Variants in ANOS1 observed in about 807,000 individuals in gnomAD.
ANOS1 encodes the protein anosmin-1.
In ANOS1, 6 loss-of-function variants were observed where a neutral mutation model predicts 59.0. The ratio of observed to expected loss-of-function variants is 0.10; its 90% confidence interval spans 0.06 to 0.20. ANOS1 has a LOEUF of 0.20. ANOS1 is among the 10% of genes least tolerant of loss of function. The probability of loss-of-function intolerance (pLI) is 1.00; values close to 1 mark genes in which losing one functional copy is unlikely to be tolerated. For missense variants in ANOS1, 433 were observed against 542.3 expected, an observed-to-expected ratio of 0.80 and a Z score of 2.00; for synonymous variants, 217 against 223.4, an observed-to-expected ratio of 0.97 and a Z score of 0.25.
chrX:8,710,636 T>C (rs1206470181), intron 1 of ANOS1, among the ~76,000 whole-genome samples: 5 of 111,890 alleles, frequency 4.5e-5, no homozygotes, highest in Admixed American at 1.9e-4. Flanking sequence ...CAGGGAACTT[T>C]CCAAGGAAAA....
chrX:8,533,730 A>G (rs1929537495), intron 13 of ANOS1, among the ~76,000 whole-genome samples: 1 of 111,964 alleles, frequency 8.9e-6, no homozygotes, highest in Admixed American at 9.5e-5. Context: ...AAGTAGGTGG[A>G]CTTGGGTCAT....
Position 8,603,894 on chromosome X carries a change from T to C in ANOS1, c.319-6638A>G, listed in dbSNP as rs141691219. On this transcript the variant is annotated intron_variant, in intron 3 of 13. Coordinates refer to ENST00000262648, the MANE Select transcript of ANOS1 (RefSeq NM_000216.4). ...ATATACAATTTCCTAAAGTGAGTGCTCCATCATTATCACCACTGTCATAAC... is the reference window on the plus strand; with the variant it reads ...ATATACAATTTCCTAAAGTGAGTGCCCCATCATTATCACCACTGTCATAAC... Among the ~76,000 whole-genome samples the C allele has an allele frequency of 8.3e-3, 923 of 111,525 alleles. 17 individuals are homozygous for C. Among genetic ancestry groups the C allele is most frequent in the African/African-American group, 0.028 (874 of 30,725 alleles).
At chrX:8,606,856 G>A (rs956444409) in intron 3 of ANOS1, among the ~76,000 whole-genome samples, 2 of 112,730 alleles carry the variant, frequency 1.8e-5, no homozygotes, top group Non-Finnish European at 3.7e-5. Context: ...GGTGGCTCAC[G>A]CCTGTAATCC....
intron 4 of ANOS1, among the ~76,000 whole-genome samples, chrX:8,591,421 A>G (rs1930616339): frequency 9.0e-6 from 1 of 111,338 alleles, no homozygotes; most frequent in African/African-American, 3.3e-5. Flanking sequence ...ATAATCTTCT[A>G]GAGTAAATAT....
intron 2 of ANOS1, among the ~76,000 whole-genome samples, chrX:8,676,817 C>A (rs1280783942): frequency 8.9e-6 from 1 of 111,943 alleles, no homozygotes; most frequent in Non-Finnish European, 1.9e-5. Context: ...ATGGAGTACT[C>A]CACAAACAGC....
intron 1 of ANOS1, among the ~76,000 whole-genome samples, chrX:8,730,269 G>C (rs1321712727): frequency 1.8e-5 from 2 of 112,491 alleles, no homozygotes; most frequent in African/African-American, 6.5e-5. Context: ...CGGAGGGCTG[G>C]AAACCAGGTG....
intron 2 of ANOS1, among the ~76,000 whole-genome samples, chrX:8,672,492 G>A (rs1049193426): frequency 1.1e-4 from 12 of 112,550 alleles, no homozygotes; most frequent in African/African-American, 2.6e-4. Flanking sequence ...TCAAGTGACC[G>A]GAGGTCAGTG....
At chrX:8,537,662 C>T (rs771594225) in intron 10 of ANOS1, among the ~76,000 whole-genome samples, 5 of 110,661 alleles carry the variant, frequency 4.5e-5, no homozygotes, top group Non-Finnish European at 9.4e-5. Context: ...ATAGTCCTAG[C>T]TACTCGAGAG....
intron 8 of ANOS1, among the ~76,000 whole-genome samples, chrX:8,561,836 C>T (rs982400259): frequency 8.9e-6 from 1 of 111,743 alleles, no homozygotes; most frequent in African/African-American, 3.3e-5. Flanking sequence ...GACAGATAAT[C>T]AGTTTAGATA....
chrX:8,561,337 T>C (rs1601954270), intron 8 of ANOS1, among the ~76,000 whole-genome samples: 2 of 111,094 alleles, frequency 1.8e-5, no homozygotes, highest in Middle Eastern at 9.3e-3. Flanking sequence ...TCTCGCTTTG[T>C]CACCCAGGCT....
intron 2 of ANOS1, among the ~76,000 whole-genome samples, chrX:8,659,594 CT>C (rs1482477734): frequency 7.3e-5 from 3 of 40,846 alleles, no homozygotes; most frequent in Non-Finnish European, 1.5e-4. Context: ...GCCTTCCTTC[CT>C]TCCTTCCTTC....
At chrX:8,542,501 T>A in intron 9 of ANOS1, among the ~76,000 whole-genome samples, 1 of 108,810 alleles carries the variant, frequency 9.2e-6, no homozygotes, top group Middle Eastern at 4.6e-3. Context: ...GTACTGGTTT[T>A]CTACAGCTGC....
chrX:8,576,563 CCAGAGAGT>C (rs112706384), intron 6 of ANOS1, among the ~76,000 whole-genome samples: 3,671 of 106,397 alleles, frequency 0.035, 169 homozygotes, highest in African/African-American at 0.12. Flanking sequence ...CTGATGAGAG[CCAGAGAGT>C]CAGAGAGGGA....
Position 8,731,912 on chromosome X carries a change from C to T in ANOS1, c.125G>A (p.Gly42Glu), listed in dbSNP as rs749342096. Residue 42 changes from glycine to glutamate, a missense_variant, in exon 1 of 14, where the codon GGG becomes GAG. Transcript: ENST00000262648. ...GGCGCAGCGAGCGCGCTGGACGCTC[C>T]CGGCAGACAGCGACTCGTCCAGCCG... ...ARRLDESLSA[G>E]SVQRARCASR... 4.3e-5 allele frequency: 50 copies of T among 1,174,057 alleles called. No individual in the cohort carries two copies. The highest frequency in any genetic ancestry group is 5.0e-5 in the Non-Finnish European group (44 of 879,326).
intron 10 of ANOS1, among the ~76,000 whole-genome samples, chrX:8,537,797 T>C (rs905415258): frequency 9.1e-5 from 10 of 109,296 alleles, no homozygotes; most frequent in African/African-American, 3.3e-4. Context: ...TAATTATTTT[T>C]TAAGAGAGGA....
chrX:8,530,217 C>A lies in ANOS1; in HGVS notation c.*2778G>T, dbSNP rs1929475103. 8.9e-6 allele frequency: 1 copy of A among 111,762 alleles called. No homozygotes were observed. Among genetic ancestry groups the A allele is most frequent in the East Asian group, 2.8e-4 (1 of 3,565 alleles). The allele number at this position is 111,762 out of a possible 1,213,427, so 9.2% of individuals were successfully genotyped here. On this transcript the variant is annotated 3_prime_UTR_variant, in exon 14 of 14. Transcript: ENST00000262648. Reference sequence around the variant, plus strand: ...TTGTAAATAAAAATAATGCATGTAACTGCAATGTATGTCAGATTAACCACC... The same window carrying A: ...TTGTAAATAAAAATAATGCATGTAAATGCAATGTATGTCAGATTAACCACC...
rs767091309 is a variant in ANOS1 at position 8,534,372 on chromosome X, G to A, written c.1931C>T (p.Pro644Leu). ...VQVLTPGGEG[P>L]ATIKTFRTPE... ...CGTCCGGAACGTCTTGATGGTGGCC[G>A]GCCCCTCCCCTCCTGGGGTCAGCAC... Residue 644 changes from proline (P) to leucine (L), a missense_variant, in exon 13 of 14, where the codon CCG (proline) becomes CTG (leucine). Pro to Leu is a moderately conservative substitution (Grantham distance 98). Transcript: ENST00000262648. 2.2e-5 allele frequency: 26 copies of A among 1,208,948 alleles called. No individual in the cohort carries two copies. The highest frequency in any genetic ancestry group is 8.8e-5 in the Admixed American group (4 of 45,650).
At chrX:8,648,565 T>G (rs780116405) in intron 2 of ANOS1, among the ~76,000 whole-genome samples, 348 of 109,709 alleles carry the variant, frequency 3.2e-3, no homozygotes, top group Middle Eastern at 0.025. Flanking sequence ...AACACTCAAA[T>G]AACTATTTGC....
intron 2 of ANOS1, among the ~76,000 whole-genome samples, chrX:8,684,044 T>C (rs1193893971): frequency 1.8e-5 from 2 of 111,932 alleles, no homozygotes; most frequent in African/African-American, 6.5e-5. Flanking sequence ...TCATGTCTGC[T>C]TATAACATGG....
Sources: allele counts gnomAD v4.1 joint callset (sites outside exome capture counted in the v4.1 genomes callset), GRCh38; gene constraint gnomAD v4.1.1; transcripts MANE v1.5; gene names NCBI Gene and HGNC (gene_info 2026-07-23, HGNC 2026-07-21).